MEGF11: variants seen among roughly 807,000 people sequenced by gnomAD.
MEGF11 encodes multiple EGF like domains 11.
A neutral mutation model predicts 146.6 loss-of-function variants in MEGF11; 126 were observed. The ratio of observed to expected loss-of-function variants is 0.86; its 90% CI spans 0.74 to 1.00. The LOEUF is 1.00. Ranked by LOEUF, MEGF11 falls within the 50% of genes least tolerant of loss-of-function variation. MEGF11 has a pLI of 0.00. For synonymous variants in MEGF11, 532 were observed against 583.4 expected (o/e 0.91, Z 1.27); for missense variants, 1,509 against 1,521.2 (o/e 0.99, Z 0.13).
At chr15:66,153,611 G>GA (rs1282929347) in intron 1 of MEGF11, among the ~76,000 whole-genome samples, 4 of 152,090 alleles carry the variant, frequency 2.6e-5, no homozygotes, top group Non-Finnish European at 4.4e-5. Context: ...AAAGAAAGCA[G>GA]ATCTGACTCA....
chr15:66,060,740 G>A (rs574683514), intron 5 of MEGF11, among the ~76,000 whole-genome samples: 72 of 152,318 alleles, frequency 4.7e-4, no homozygotes, highest in Admixed American at 3.1e-3. Context: ...TGTTCATCCC[G>A]TGTCCTCGCA....
At chr15:65,915,794 C>T (rs776729340) in intron 18 of MEGF11, among the ~76,000 whole-genome samples, 196 bp from the exon 19 acceptor site, 1 of 152,108 alleles carries the variant, frequency 6.6e-6, no homozygotes, top group East Asian at 1.9e-4. Flanking sequence ...GGCCCACTCA[C>T]CCCTACTTCC....
At chr15:66,113,072 G>A (rs1237640868) in intron 4 of MEGF11, among the ~76,000 whole-genome samples, 5 of 152,220 alleles carry the variant, frequency 3.3e-5, no homozygotes, top group Non-Finnish European at 5.9e-5. Flanking sequence ...TTGACGTGTC[G>A]AATTTACTGA....
In MEGF11 at chr15:66,171,406, C is replaced by T. The variant is rs547724631; in HGVS notation, c.-8-42995G>A. Among the ~76,000 whole-genome samples, 15 of 151,446 alleles carry T rather than the reference C, an allele frequency of 9.9e-5. No individual in the cohort carries two copies. In the South Asian group the frequency reaches 1.5e-3, roughly 15 times the overall value. ...CTGCTCCTGTGAATGCTGGAGCAGACGGAGGATGATGAAAACGCCCCTTGC... is the reference window on the plus strand; with the variant it reads ...CTGCTCCTGTGAATGCTGGAGCAGATGGAGGATGATGAAAACGCCCCTTGC... On this transcript the variant is annotated intron_variant, in intron 1 of 25. Coordinates refer to ENST00000395614, the MANE Select transcript of MEGF11 (RefSeq NM_001385028.1).
At chr15:66,024,950 G>A (rs1208833638) in intron 5 of MEGF11, among the ~76,000 whole-genome samples, 1 of 152,088 alleles carries the variant, frequency 6.6e-6, no homozygotes, top group Non-Finnish European at 1.5e-5. Context: ...TGTTGGTTGG[G>A]GGAGTGTGAC....
At chr15:66,022,321 C>G (rs1264838887) in intron 5 of MEGF11, among the ~76,000 whole-genome samples, 1 of 152,246 alleles carries the variant, frequency 6.6e-6, no homozygotes, top group Non-Finnish European at 1.5e-5. Context: ...TCTGGGCCTA[C>G]CTGCAGTGCT....
At chr15:65,955,064 C>T (rs562472890) in intron 10 of MEGF11, among the ~76,000 whole-genome samples, 14 of 152,314 alleles carry the variant, frequency 9.2e-5, no homozygotes, top group Non-Finnish European at 1.6e-4. Context: ...TTAATAGGTT[C>T]TTCTCTCTCC....
At chr15:65,996,631 G>A (rs1377593140) in intron 5 of MEGF11, among the ~76,000 whole-genome samples, 1 of 152,084 alleles carries the variant, frequency 6.6e-6, no homozygotes, top group Non-Finnish European at 1.5e-5. Context: ...GATTACAGGC[G>A]TGAGCCATCA....
chr15:65,975,853 C>A (rs1195112830), intron 7 of MEGF11, among the ~76,000 whole-genome samples: 1 of 151,980 alleles, frequency 6.6e-6, no homozygotes, highest in Non-Finnish European at 1.5e-5. Context: ...GGTGGGAGCC[C>A]CATATATCCT....
chr15:66,233,784 G>T (rs2092024551), intron 1 of MEGF11, among the ~76,000 whole-genome samples: 1 of 152,100 alleles, frequency 6.6e-6, no homozygotes, highest in African/African-American at 2.4e-5. Context: ...CTAGTGACTG[G>T]TTTAGGAAGG....
intron 10 of MEGF11, among the ~76,000 whole-genome samples, chr15:65,949,805 A>G (rs1349906859): frequency 6.6e-6 from 1 of 152,212 alleles, no homozygotes; most frequent in Non-Finnish European, 1.5e-5. Flanking sequence ...AATTAGTCCT[A>G]CAGCAGTGGA....
At chr15:65,970,712 T>A in intron 7 of MEGF11, 23 bp from the exon 8 acceptor site, 7 of 1,593,738 alleles carry the variant, frequency 4.4e-6, no homozygotes, top group Non-Finnish European at 6.0e-6. Context: ...TGGGAAGACA[T>A]GCATGGCGGT....
chr15:65,965,611 T>TTG (rs2081056642), intron 8 of MEGF11, among the ~76,000 whole-genome samples: 2 of 60,456 alleles, frequency 3.3e-5, no homozygotes, highest in East Asian at 6.5e-4. Flanking sequence ...TTTTTTTTTT[T>TTG]TCTTTTTTTT....
intron 12 of MEGF11, 41 bp from the exon 13 acceptor site, chr15:65,928,568 C>T: frequency 7.1e-7 from 1 of 1,413,232 alleles, no homozygotes; most frequent in Non-Finnish European, 9.8e-7. Flanking sequence ...CAGACCCAAA[C>T]CTCCAGAGGT....
intron 1 of MEGF11, among the ~76,000 whole-genome samples, chr15:66,131,791 C>A (rs2088656629): frequency 6.6e-6 from 1 of 152,204 alleles, no homozygotes; most frequent in Non-Finnish European, 1.5e-5. Context: ...TGAGAAGACC[C>A]AAAATAAAGA....
At position 65,924,521 on chromosome 15, in the gene MEGF11, G is replaced by A. The variant is rs75132389; in HGVS notation, c.1676-1552C>T. Among the ~76,000 whole-genome samples the A allele has an allele frequency of 4.4e-3, 672 of 152,264 alleles. 5 individuals are homozygous for A. The highest frequency in any genetic ancestry group is 0.016 in the African/African-American group (648 of 41,534). ...GACAGGCATCATAGATTGACTAGAG[G>A]GAGCTTGGGAAAGTGGAAACCATAA... On this transcript the variant is annotated intron_variant, in intron 13 of 25. Coordinates refer to ENST00000395614, the MANE Select transcript of MEGF11 (RefSeq NM_001385028.1).
At chr15:66,185,845 G>A (rs1011451106) in intron 1 of MEGF11, among the ~76,000 whole-genome samples, 16 of 152,180 alleles carry the variant, frequency 1.1e-4, no homozygotes, top group Admixed American at 3.9e-4. Flanking sequence ...AATTAAAGAG[G>A]CAGGGCCAGG....
Position 66,094,396 on chromosome 15 carries a change from A to C in MEGF11, c.394+6T>G. On this transcript the variant is annotated splice_donor_region_variant and intron_variant, in intron 5 of 25. Coordinates refer to ENST00000395614, the MANE Select transcript of MEGF11 (RefSeq NM_001385028.1). ...GTGCCTCCTGACCCCCAAACCCCAGACTCACCGCTGGAGCAGTCGGGCCCT... is the reference window on the plus strand; with the variant it reads ...GTGCCTCCTGACCCCCAAACCCCAGCCTCACCGCTGGAGCAGTCGGGCCCT... 1 of 1,553,732 alleles carries C rather than the reference A, an allele frequency of 6.4e-7. No individual in the cohort carries two copies. Among genetic ancestry groups the C allele is most frequent in the Non-Finnish European group, 8.7e-7 (1 of 1,148,148 alleles).
chr15:65,906,293 T>G (rs2078626826), intron 23 of MEGF11, among the ~76,000 whole-genome samples, 152 bp from the exon 24 acceptor site: 1 of 152,176 alleles, frequency 6.6e-6, no homozygotes. Context: ...TTCTGGGGGT[T>G]TAATCTACCT....
Sources: allele counts gnomAD v4.1 joint callset (sites outside exome capture counted in the v4.1 genomes callset), GRCh38; gene constraint gnomAD v4.1.1; transcripts MANE v1.5; gene names NCBI Gene and HGNC (gene_info 2026-07-23, HGNC 2026-07-21).